The following EBLN1 variants were observed in gnomAD, a reference collection of about 807,000 sequenced individuals.
EBLN1 encodes endogenous Bornavirus-like nucleoprotein 1.
A neutral mutation model predicts 0.8 loss-of-function variants in EBLN1; 1 was observed. The ratio of observed to expected loss-of-function variants is 1.32; its 90% CI spans 0.47 to 6.26. EBLN1 has a LOEUF of 6.26. EBLN1 is among the 30% of genes most tolerant of loss of function. The pLI, the probability that EBLN1 is intolerant of heterozygous loss-of-function variation, is 0.15. For missense variants in EBLN1, 396 were observed against 447.9 expected, an observed-to-expected ratio of 0.88 and a Z score of 1.05; for synonymous variants, 158 against 158.5, an observed-to-expected ratio of 1.00 and a Z score of 0.02.
At chr10:22,211,177 T>C (rs1834749972) in intron 2 of EBLN1, among the ~76,000 whole-genome samples, 1 of 152,224 alleles carries the variant, frequency 6.6e-6, no homozygotes, top group African/African-American at 2.4e-5. Flanking sequence ...TATTATGTTT[T>C]GTCATGTTCT....
intron 1 of EBLN1, among the ~76,000 whole-genome samples, chr10:22,215,976 C>T: frequency 6.6e-6 from 1 of 152,170 alleles, no homozygotes. Context: ...CTATGTTTAA[C>T]TATTTTCTTC....
At chr10:22,211,320 TGAGA>T (rs1352330936) in intron 2 of EBLN1, among the ~76,000 whole-genome samples, 1 of 152,314 alleles carries the variant, frequency 6.6e-6, no homozygotes, top group African/African-American at 2.4e-5. Flanking sequence ...TAGAAAAAGG[TGAGA>T]TTTATGAAAA....
intron 2 of EBLN1, among the ~76,000 whole-genome samples, chr10:22,211,062 C>T (rs543120751): frequency 6.6e-6 from 1 of 152,302 alleles, no homozygotes; most frequent in East Asian, 1.9e-4. Flanking sequence ...ACGCAATCAC[C>T]ATGCTAATCA....
chr10:22,214,847 T>C (rs183125760), intron 1 of EBLN1, among the ~76,000 whole-genome samples: 306 of 152,296 alleles, frequency 2.0e-3, no homozygotes, highest in African/African-American at 5.0e-3. Flanking sequence ...TAAATGTTCA[T>C]AGAAGCATTA....
At position 22,211,360 on chromosome 10, in the gene EBLN1, TA is replaced by T. The variant is rs1834753721; in HGVS notation, c.-44-1334del. On this transcript the variant is annotated intron_variant, in intron 2 of 2. Transcript: ENST00000422359. ...GAAATGTTCAAAATCTCCACACACT[TA>T]AAAACATCCTAAAACTTCATGGATT... Among the ~76,000 whole-genome samples the T allele has an allele frequency of 2.0e-5, 3 of 152,342 alleles. No homozygotes were observed. In the South Asian group the frequency reaches 6.2e-4, roughly 32 times the overall value.
rs757560137 is a variant in EBLN1 at position 22,209,221 on chromosome 10, G to A, written c.763C>T (p.Pro255Ser). Residue 255 changes from proline to serine, a missense_variant, in exon 3 of 3, where the codon CCC becomes TCC. Physicochemically the swap from Pro to Ser is moderately conservative, Grantham distance 74. Coordinates refer to ENST00000422359, the MANE Select transcript of EBLN1 (RefSeq NM_001394757.1). Reference sequence around the variant, plus strand: ...ACTGGAATCTCCAACACAACAGCGGGTAAAGCAGTGGAACCATCCACACAC... The same window carrying A: ...ACTGGAATCTCCAACACAACAGCGGATAAAGCAGTGGAACCATCCACACAC... ...DQCVDGSTAL[P>S]AVVLEIPVFE... is the part of the protein sequence containing the mutation. The A allele has an allele frequency of 1.3e-5, 20 of 1,545,344 alleles. No individual in the cohort carries two copies. Among genetic ancestry groups the A allele is most frequent in the Admixed American group, 1.9e-5 (1 of 51,418 alleles).
In EBLN1 at chr10:22,208,566, TG is replaced by T. The variant is rs1367813929; in HGVS notation, c.*316del. 1.3e-5 allele frequency among the ~76,000 whole-genome samples: 2 copies of T among 152,164 alleles called. No homozygotes were observed. The highest frequency in any genetic ancestry group is 4.8e-5 in the African/African-American group (2 of 41,448). ...AAATACAATAACCTTAAAAATGATC[TG>T]GGCCTTATCTATGAAGAATAAAATA... On this transcript the variant is annotated 3_prime_UTR_variant, in exon 3 of 3. Coordinates refer to ENST00000422359, the MANE Select transcript of EBLN1 (RefSeq NM_001394757.1).
chr10:22,208,893 C>T lies in EBLN1; in HGVS notation c.1091G>A (p.Gly364Glu), dbSNP rs750753093. The T allele has an allele frequency of 3.0e-4, 455 of 1,521,550 alleles. 1 individual carries two copies. Among genetic ancestry groups the T allele is most frequent in the Non-Finnish European group, 3.9e-4 (444 of 1,139,962 alleles). 94.3% of individuals were successfully genotyped at this position (1,521,550 alleles called of 1,614,324 possible). Residue 364 changes from glycine (G) to glutamate (E), a missense_variant, in exon 3 of 3, where the codon GGA (glycine) becomes GAA (glutamate). Gly to Glu is a moderately conservative substitution (Grantham distance 98). Coordinates refer to ENST00000422359, the MANE Select transcript of EBLN1 (RefSeq NM_001394757.1). Reference protein sequence around the residue: ...LNILRGYGISGFE With the variant: ...LNILRGYGISEFE ...TAGTTCACGTATTTGTTATTCAAAT[C>T]CCGAAATCCCATAACCGCGAAGGAT...
At chr10:22,216,274 A>G (rs576814970) in intron 1 of EBLN1, among the ~76,000 whole-genome samples, 2 of 152,292 alleles carry the variant, frequency 1.3e-5, no homozygotes, top group Non-Finnish European at 2.9e-5. Flanking sequence ...AACAAAAACA[A>G]AAACAAAAAC....
At chr10:22,213,849 G>A (rs16922112) in intron 1 of EBLN1, among the ~76,000 whole-genome samples, 5 of 152,116 alleles carry the variant, frequency 3.3e-5, no homozygotes, top group Non-Finnish European at 5.9e-5. Flanking sequence ...AAAAAAATGA[G>A]AGTCACTAAG....
At chr10:22,216,496 C>A (rs1834793205) in intron 1 of EBLN1, among the ~76,000 whole-genome samples, 1 of 152,144 alleles carries the variant, frequency 6.6e-6, no homozygotes, top group South Asian at 2.1e-4. Flanking sequence ...GGAAAACAAG[C>A]TACTTGCATC....
rs1248586460 is a variant in EBLN1 at position 22,209,787 on chromosome 10, G to C, written c.197C>G (p.Pro66Arg). Residue 66 changes from proline (P) to arginine (R), a missense_variant, in exon 3 of 3, where the codon CCA becomes CGA. Coordinates refer to ENST00000422359, the MANE Select transcript of EBLN1 (RefSeq NM_001394757.1). ...AAGGTAAAAATGAGATCTCTGTGCT[G>C]GGTCTAGCATAGACTTAGTTGCTTT... The part of the protein sequence containing the change: ...IEKATKSMLD[P>R]AQRSHFYLVT... The C allele has an allele frequency of 6.5e-7, 1 of 1,535,632 alleles. No individual in the cohort carries two copies. Among genetic ancestry groups the C allele is most frequent in the African/African-American group, 1.4e-5 (1 of 72,996 alleles).
At chr10:22,217,710 C>T (rs1178932874) in intron 1 of EBLN1, among the ~76,000 whole-genome samples, 1 of 152,142 alleles carries the variant, frequency 6.6e-6, no homozygotes, top group Non-Finnish European at 1.5e-5. Context: ...GTAAAATTAA[C>T]TTTGGAAAAA....
At chr10:22,217,865 T>C (rs1834805367) in intron 1 of EBLN1, among the ~76,000 whole-genome samples, 51 bp downstream of exon 1, 1 of 152,162 alleles carries the variant, frequency 6.6e-6, no homozygotes, top group Non-Finnish European at 1.5e-5. Context: ...GCTGTAAATA[T>C]ACTACCCGAG....
chr10:22,213,866 T>C (rs902279592), intron 1 of EBLN1, among the ~76,000 whole-genome samples: 1 of 152,132 alleles, frequency 6.6e-6, no homozygotes, highest in Non-Finnish European at 1.5e-5. Context: ...TAAGAAATGT[T>C]TGAAAAAGAT....
intron 1 of EBLN1, among the ~76,000 whole-genome samples, 118 bp from the exon 2 acceptor site, chr10:22,213,083 T>A (rs994153752): frequency 1.3e-5 from 2 of 152,180 alleles, no homozygotes; most frequent in Non-Finnish European, 2.9e-5. Flanking sequence ...TTATGTTGCA[T>A]CTGAAGCATG....
intron 2 of EBLN1, among the ~76,000 whole-genome samples, chr10:22,210,491 G>A (rs72812799): frequency 0.048 from 7,373 of 152,206 alleles, 368 homozygotes; most frequent in African/African-American, 0.13. Context: ...TCTTTATGTC[G>A]TTTAAGCTTT....
At chr10:22,211,198 G>A (rs980037780) in intron 2 of EBLN1, among the ~76,000 whole-genome samples, 6 of 152,110 alleles carry the variant, frequency 3.9e-5, no homozygotes, top group Admixed American at 1.3e-4. Flanking sequence ...TAACTGTCTT[G>A]TTCCAAATAT....
In EBLN1 at chr10:22,217,882, T is replaced by A. The variant is rs1588586661; in HGVS notation, c.-169+34A>T. Among the ~76,000 whole-genome samples, 5 of 152,184 alleles carry A rather than the reference T, an allele frequency of 3.3e-5. 1 individual carries two copies. The highest frequency in any genetic ancestry group is 1.3e-4 in the Admixed American group (2 of 15,294). On this transcript the variant is annotated intron_variant, in intron 1 of 2. Coordinates refer to ENST00000422359, the MANE Select transcript of EBLN1 (RefSeq NM_001394757.1). ...TGTAAATATACTACCCGAGACTGAG[T>A]AATTTATAAGGAAAGGAGGTTTAAT... is the stretch of plus-strand genomic sequence containing the variant.
Sources: allele counts gnomAD v4.1 joint callset (sites outside exome capture counted in the v4.1 genomes callset), GRCh38; gene constraint gnomAD v4.1.1; transcripts MANE v1.5; gene names NCBI Gene and HGNC (gene_info 2026-07-23, HGNC 2026-07-21).